LIN37: variants seen among roughly 807,000 people sequenced by gnomAD.
LIN37 encodes the protein lin-37 DREAM MuvB core complex component, also known as protein lin-37 homolog.
A neutral mutation model predicts 38.0 loss-of-function variants in LIN37; 21 were observed. The observed-to-expected ratio is 0.55, with a 90% CI of 0.39 to 0.80. The LOEUF (loss-of-function observed/expected upper bound fraction) is 0.80, where lower values mean the gene tolerates loss of function less well. LIN37 is among the 30% of genes least tolerant of loss of function. LIN37 has a pLI of 0.00. For missense variants in LIN37, 273 were observed against 338.5 expected, an observed-to-expected ratio of 0.81 and a Z score of 1.52; for synonymous variants, 126 against 122.9, an observed-to-expected ratio of 1.03 and a Z score of -0.17.
intron 1 of LIN37, among the ~76,000 whole-genome samples, chr19:35,749,448 G>A (rs1321517639): frequency 2.0e-5 from 3 of 152,060 alleles, no homozygotes; most frequent in Non-Finnish European, 4.4e-5. Flanking sequence ...AATTTAGACA[G>A]AAAGATAATA....
chr19:35,752,464 A>C lies in LIN37; in HGVS notation c.141A>C (p.Thr47=). ...GTCTGGATGAGGAAGCTGGGAAAAC[A>C]CCCTCAGACACCCACAATAAGTGAG... ...RERLDEEAGK[T]PSDTHNKDCS... is the part of the protein sequence containing the mutation. Residue 47 remains threonine (T), a synonymous_variant, in exon 3 of 9, where the codon ACA becomes ACC. Transcript: ENST00000301159. 6.2e-7 allele frequency: 1 copy of C among 1,613,822 alleles called. No individual in the cohort carries two copies. Among genetic ancestry groups the C allele is most frequent in the Non-Finnish European group, 8.5e-7 (1 of 1,179,836 alleles).
At chr19:35,748,957 A>G (rs1029685714) in intron 1 of LIN37, 199 bp downstream of exon 1, 5 of 1,451,538 alleles carry the variant, frequency 3.4e-6, no homozygotes, top group East Asian at 2.6e-5. Context: ...TTGAGATTGA[A>G]TGGGGTGGCT....
intron 3 of LIN37, 113 bp from the exon 4 acceptor site, chr19:35,752,691 G>A: frequency 6.9e-7 from 1 of 1,444,770 alleles, no homozygotes; most frequent in Non-Finnish European, 9.5e-7. Context: ...AAAGGCCCAA[G>A]AGGCAAGTGG....
intron 1 of LIN37, chr19:35,749,040 T>C: frequency 8.9e-7 from 1 of 1,129,404 alleles, no homozygotes. Context: ...TTTTCTTTCC[T>C]CTTTTTTTTA....
chr19:35,752,094 G>T, intron 1 of LIN37, 82 bp from the exon 2 acceptor site: 1 of 1,057,612 alleles, frequency 9.5e-7, no homozygotes, highest in Non-Finnish European at 1.4e-6. Context: ...CAGAGGACAC[G>T]CACGCCCTTC....
intron 1 of LIN37, among the ~76,000 whole-genome samples, chr19:35,750,845 CA>C (rs771780418): frequency 6.6e-6 from 1 of 152,028 alleles, no homozygotes; most frequent in Non-Finnish European, 1.5e-5. Flanking sequence ...CCTGTAGTCC[CA>C]GTTCTTTGGG....
At chr19:35,753,649 G>A (rs994480252) in intron 6 of LIN37, 5 of 489,470 alleles carry the variant, frequency 1.0e-5, no homozygotes, top group Non-Finnish European at 1.9e-5. Context: ...GGTAGACAAG[G>A]GTCCCCAGGA....
chr19:35,752,922 C>A lies in LIN37; in HGVS notation c.200C>A (p.Ala67Asp). The change falls in exon 5 of 9, where the codon GCC becomes GAC. Residue 67 changes from alanine (A) to aspartate (D), a missense_variant. Physicochemically the swap from Ala to Asp is moderately radical, Grantham distance 126 (BLOSUM62 -2). Coordinates refer to ENST00000301159, the MANE Select transcript of LIN37 (RefSeq NM_019104.3). ...TCCCTCTCCCTACGCAGGCCATCTG[C>A]CCGCTTCCCCCACCAGCGGAGGAAG... The part of the protein sequence containing the change: ...SIAATGKRPS[A>D]RFPHQRRKKR... 1 of 1,575,252 alleles carries A rather than the reference C, an allele frequency of 6.3e-7. No individual in the cohort carries two copies. The highest frequency in any genetic ancestry group is 1.2e-5 in the South Asian group (1 of 86,266).
At chr19:35,749,002 C>G in intron 1 of LIN37, 1 of 1,347,468 alleles carries the variant, frequency 7.4e-7, no homozygotes, top group Non-Finnish European at 9.6e-7. Flanking sequence ...CATGGGGAAT[C>G]CTGAGCCGGT....
At chr19:35,753,329 C>A in intron 6 of LIN37, 76 bp downstream of exon 6, 1 of 1,490,622 alleles carries the variant, frequency 6.7e-7, no homozygotes, top group Non-Finnish European at 9.0e-7. Flanking sequence ...GGATCCTGCC[C>A]CTAAGCTAGT....
At chr19:35,748,820 G>C in intron 1 of LIN37, 62 bp downstream of exon 1, 1 of 1,612,742 alleles carries the variant, frequency 6.2e-7, no homozygotes, top group Non-Finnish European at 8.5e-7. Context: ...TGGAGTCCCG[G>C]TGGAAGGGAG....
chr19:35,753,415 G>A (rs1970708931), intron 6 of LIN37, 162 bp downstream of exon 6: 3 of 872,124 alleles, frequency 3.4e-6, no homozygotes, highest in Non-Finnish European at 5.5e-6. Context: ...TTAGGTTGGG[G>A]TGTGGATCAG....
intron 1 of LIN37, chr19:35,749,041 CTT>C: frequency 8.9e-7 from 1 of 1,121,046 alleles, no homozygotes; most frequent in Non-Finnish European, 1.1e-6. Context: ...TTTCTTTCCT[CTT>C]TTTTTTAATT....
chr19:35,752,457 G>A lies in LIN37; in HGVS notation c.134G>A (p.Gly45Glu). ...AGGGAGCGTCTGGATGAGGAAGCTG[G>A]GAAAACACCCTCAGACACCCACAAT... ...MDRERLDEEAGKTPSDTHNKD... is the reference protein window; with the variant it reads ...MDRERLDEEAEKTPSDTHNKD... The change falls in exon 3 of 9, where the codon GGG (glycine) becomes GAG (glutamate). Residue 45 changes from glycine to glutamate, a missense_variant. Transcript: ENST00000301159. 3 of 1,613,960 alleles carry A rather than the reference G, an allele frequency of 1.9e-6. No homozygotes were observed. The highest frequency in any genetic ancestry group is 2.5e-6 in the Non-Finnish European group (3 of 1,179,878).
Position 35,753,073 on chromosome 19 carries a change from C to G in LIN37, c.278-14C>G. 6.2e-7 allele frequency: 1 copy of G among 1,601,454 alleles called. No homozygotes were observed. Among genetic ancestry groups the G allele is most frequent in the Non-Finnish European group, 8.5e-7 (1 of 1,173,900 alleles). On this transcript the variant is annotated splice_polypyrimidine_tract_variant and intron_variant, in intron 5 of 8. Transcript: ENST00000301159. ...GCAAGGATGCTCACACACCTCCCAT[C>G]CCCACCTTCCCAGACACATATGTGA...
In LIN37 at chr19:35,752,282, A is replaced by T. The variant is rs767051554; in HGVS notation, c.110+31A>T. 1.2e-5 allele frequency: 19 copies of T among 1,592,720 alleles called. No individual in the cohort carries two copies. The Admixed American group carries it at 3.2e-4, about 27-fold the overall frequency. On this transcript the variant is annotated intron_variant, in intron 2 of 8. Coordinates refer to ENST00000301159, the MANE Select transcript of LIN37 (RefSeq NM_019104.3). The stretch of plus-strand genomic sequence containing the variant: ...CCAGCGTGGGGTCACAGGGCCGGGC[A>T]CCCTGGTGGGTTGGGCCCTCTGATC...
Position 35,754,325 on chromosome 19 carries a change from C to T in LIN37, c.659+6C>T, listed in dbSNP as rs146930728. The T allele has an allele frequency of 1.9e-5, 31 of 1,613,888 alleles. No homozygotes were observed. In the East Asian group the frequency reaches 3.3e-4, roughly 17 times the overall value. ...TGGAAACGCATCCGCCAGAGGTGAG[C>T]GTCCCCCAGCCTGCTTGCCCCTCGT... On this transcript the variant is annotated splice_donor_region_variant and intron_variant, in intron 8 of 8. Transcript: ENST00000301159.
rs397715224 is a variant in LIN37 at position 35,750,711 on chromosome 19, C to CT, written c.35-1465_35-1464insT. ...GGTGCGGTGGCTTCTGCCTGTAATC[C>CT]AGCACTTTGGGAGGCTGAGGCAGGT... On this transcript the variant is annotated intron_variant, in intron 1 of 8. Transcript: ENST00000301159. Among the ~76,000 whole-genome samples the CT allele has an allele frequency of 4.0e-5, 6 of 151,498 alleles. No homozygotes were observed. The East Asian group carries it at 1.2e-3, about 29-fold the overall frequency.
At position 35,752,540 on chromosome 19, in the gene LIN37, C is replaced by T. The variant is rs535430797; in HGVS notation, c.161+56C>T. 1.5e-5 allele frequency: 23 copies of T among 1,579,006 alleles called. No homozygotes were observed. The Middle Eastern group carries it at 5.0e-4, about 34-fold the overall frequency. On this transcript the variant is annotated intron_variant, in intron 3 of 8. Transcript: ENST00000301159. ...GAGTTCGTGGTTGGTAACTTCTTTCCTTATCCAAGCCCTGACCGCTCAGCC... is the reference window on the plus strand; with the variant it reads ...GAGTTCGTGGTTGGTAACTTCTTTCTTTATCCAAGCCCTGACCGCTCAGCC...
Sources: gnomAD v4.1 joint callset for allele counts (sites outside exome capture counted in the v4.1 genomes callset) on GRCh38, gnomAD v4.1.1 for gene constraint, MANE v1.5 for transcripts, NCBI Gene and HGNC (gene_info 2026-07-23, HGNC 2026-07-21) for gene names.